The following CR1L variants were observed in gnomAD, a reference collection of about 807,000 sequenced individuals.
CR1L encodes the protein complement component receptor 1-like protein.
Under a neutral mutation model 62.3 loss-of-function variants are expected in CR1L, and 59 were observed. That is an observed-to-expected ratio of 0.95 (90% confidence interval 0.77 to 1.18). CR1L has a LOEUF of 1.18. CR1L is among the 50% of genes most tolerant of loss of function. The probability of loss-of-function intolerance (pLI) is 0.00; values close to 1 mark genes in which losing one functional copy is unlikely to be tolerated. For missense variants in CR1L, 700 were observed against 702.8 expected (o/e 1.00, Z 0.04); for synonymous variants, 279 against 248.7 (o/e 1.12, Z -1.15).
At chr1:207,682,007 G>C (rs578194230) in intron 3 of CR1L, among the ~76,000 whole-genome samples, 2 of 151,366 alleles carry the variant, frequency 1.3e-5, no homozygotes, top group South Asian at 4.2e-4. Flanking sequence ...TGGGTGGGGG[G>C]CTAGGGGCGG....
At chr1:207,672,847 C>T (rs1663634412) in intron 1 of CR1L, among the ~76,000 whole-genome samples, 1 of 152,066 alleles carries the variant, frequency 6.6e-6, no homozygotes, top group African/African-American at 2.4e-5. Context: ...TTTACATATG[C>T]TCGGATGAGT....
chr1:207,655,682 C>T (rs1487782047), intron 1 of CR1L, among the ~76,000 whole-genome samples: 1 of 152,140 alleles, frequency 6.6e-6, no homozygotes, highest in East Asian at 1.9e-4. Context: ...AAGCAATCTG[C>T]CCCCGTGGGC....
At chr1:207,716,488 G>T (rs1292714241) in intron 10 of CR1L, among the ~76,000 whole-genome samples, 2 of 151,690 alleles carry the variant, frequency 1.3e-5, no homozygotes, top group Non-Finnish European at 3.0e-5. Context: ...TTAAAGCAAG[G>T]CATGATTTTT....
intron 1 of CR1L, 122 bp from the exon 2 acceptor site, chr1:207,677,267 C>A: frequency 1.0e-6 from 1 of 983,980 alleles, no homozygotes; most frequent in Non-Finnish European, 1.4e-6. Flanking sequence ...AGGATCGCAC[C>A]ACTGCACTCC....
intron 1 of CR1L, chr1:207,652,651 C>T: frequency 8.8e-7 from 1 of 1,131,142 alleles, no homozygotes; most frequent in Non-Finnish European, 1.3e-6. Context: ...TAAAAAAGGA[C>T]ACTTCTACGT....
At chr1:207,685,887 G>A (rs1663892931) in intron 4 of CR1L, among the ~76,000 whole-genome samples, 1 of 152,054 alleles carries the variant, frequency 6.6e-6, no homozygotes, top group African/African-American at 2.4e-5. Context: ...TTCTCATGCT[G>A]TAACCCTAGT....
intron 4 of CR1L, 34 bp downstream of exon 4, chr1:207,683,991 C>T (rs756618772): frequency 5.1e-6 from 8 of 1,575,644 alleles, no homozygotes; most frequent in South Asian, 2.3e-5. Flanking sequence ...TTTCTTTTAC[C>T]GATACATTCT....
At chr1:207,684,752 A>G (rs1663873516) in intron 4 of CR1L, among the ~76,000 whole-genome samples, 1 of 151,526 alleles carries the variant, frequency 6.6e-6, no homozygotes, top group African/African-American at 2.4e-5. Context: ...AACGGCATAT[A>G]TGGCAAGATC....
At chr1:207,696,261 G>A (rs997496323) in intron 5 of CR1L, among the ~76,000 whole-genome samples, 10 of 152,214 alleles carry the variant, frequency 6.6e-5, no homozygotes, top group African/African-American at 2.2e-4. Context: ...CATTGGCATC[G>A]CTAGAATTGA....
At chr1:207,691,951 G>C (rs1465636350) in intron 4 of CR1L, among the ~76,000 whole-genome samples, 1 of 152,184 alleles carries the variant, frequency 6.6e-6, no homozygotes, top group East Asian at 1.9e-4. Context: ...TGGTGGAAGA[G>C]GATTTACGGA....
chr1:207,711,172 G>A (rs2102479565), intron 10 of CR1L, among the ~76,000 whole-genome samples: 1 of 152,310 alleles, frequency 6.6e-6, no homozygotes, highest in East Asian at 1.9e-4. Context: ...AAGGGCTTGT[G>A]TTTTTGATGG....
At chr1:207,653,440 T>C (rs921092211) in intron 1 of CR1L, among the ~76,000 whole-genome samples, 2 of 152,234 alleles carry the variant, frequency 1.3e-5, no homozygotes, top group Non-Finnish European at 2.9e-5. Context: ...AGTGTAGTAA[T>C]CATGAGAATT....
intron 1 of CR1L, among the ~76,000 whole-genome samples, chr1:207,650,762 T>C (rs1663209980): frequency 6.6e-6 from 1 of 151,470 alleles, no homozygotes; most frequent in Admixed American, 6.6e-5. Context: ...GTACAGAAGT[T>C]GAACAGTTCA....
intron 1 of CR1L, among the ~76,000 whole-genome samples, chr1:207,654,959 A>G (rs1200788938): frequency 1.3e-5 from 2 of 152,244 alleles, no homozygotes; most frequent in African/African-American, 4.8e-5. Flanking sequence ...ACGGCACAGC[A>G]GATTTATTTA....
intron 9 of CR1L, among the ~76,000 whole-genome samples, chr1:207,707,606 C>G (rs1050646418): frequency 6.6e-6 from 1 of 151,968 alleles, no homozygotes; most frequent in Non-Finnish European, 1.5e-5. Context: ...CCAGCCTGAG[C>G]GACAGAGCCA....
rs1337671367 is a variant in CR1L, at chr1:207,697,819, T to A, written c.1088T>A (p.Leu363Gln). 3.1e-6 allele frequency: 5 copies of A among 1,614,038 alleles called. No individual in the cohort carries two copies. The East Asian group carries it at 1.1e-4, about 36-fold the overall frequency. ...GGCCAACTTCCTAATGGCCATGTGC[T>A]ATTTCCACTTAATCTCCAGCTTGGA... The part of the protein sequence containing the change: ...FLGQLPNGHV[L>Q]FPLNLQLGAK... The change falls in exon 7 of 12, where the codon CTA becomes CAA. Residue 363 changes from leucine (L) to glutamine (Q), a missense_variant. Transcript: ENST00000508064.
intron 1 of CR1L, chr1:207,652,457 T>C: frequency 1.3e-6 from 1 of 771,892 alleles, no homozygotes; most frequent in South Asian, 1.4e-5. Flanking sequence ...TTCCTATTTT[T>C]TCTGTACTAC....
chr1:207,652,750 C>CTTT (rs59228006), intron 1 of CR1L: 53 of 659,086 alleles, frequency 8.0e-5, no homozygotes, highest in African/African-American at 2.0e-4. Context: ...ATAAACTAGC[C>CTTT]TTTTTTTTTT....
chr1:207,654,996 G>A (rs1421671880), intron 1 of CR1L, among the ~76,000 whole-genome samples: 1 of 152,156 alleles, frequency 6.6e-6, no homozygotes, highest in African/African-American at 2.4e-5. Context: ...GCCAATATAC[G>A]TTCAAATAGA....
Sources: gnomAD v4.1 joint callset for allele counts (sites outside exome capture counted in the v4.1 genomes callset) on GRCh38, gnomAD v4.1.1 for gene constraint, MANE v1.5 for transcripts, NCBI Gene and HGNC (gene_info 2026-07-23, HGNC 2026-07-21) for gene names.